The following FAM184B variants were observed in gnomAD, a reference collection of about 807,000 sequenced individuals.
FAM184B encodes protein FAM184B.
A neutral mutation model predicts 135.9 loss-of-function variants in FAM184B; 111 were observed. That is an observed-to-expected ratio of 0.82 (90% CI 0.70 to 0.96). The LOEUF is 0.96. Among genes scored for constraint, FAM184B ranks in the 40% least tolerant of loss-of-function variants. The pLI, the probability that FAM184B is intolerant of heterozygous loss-of-function variation, is 0.00. For synonymous variants in FAM184B, 552 were observed against 524.8 expected, an observed-to-expected ratio of 1.05 and a Z score of -0.71; for missense variants, 1,375 against 1,323.9, an observed-to-expected ratio of 1.04 and a Z score of -0.60.
In FAM184B at chr4:17,709,541, T is replaced by C. The variant is rs139628341; in HGVS notation, c.245A>G (p.Lys82Arg). ...EELQNAVAET[K>R]ARLLQEQGCA... ...GCCCTGTTCCTGCAGGAGCCTGGCC[T>C]TGGTCTCTGCCACCGCATTCTGGAG... The change falls in exon 2 of 18, where the codon AAG becomes AGG. Residue 82 changes from lysine to arginine, a missense_variant. By Grantham distance (26) the Lys-to-Arg change is conservative. Transcript: ENST00000265018. 1.1e-3 allele frequency: 1,711 copies of C among 1,550,956 alleles called. 14 individuals carry two copies. In the African/African-American group the frequency reaches 0.021, roughly 19 times the overall value.
At chr4:17,708,709 A>ATATATTGTCT (rs3066655) in intron 2 of FAM184B, among the ~76,000 whole-genome samples, 183 bp downstream of exon 2, 2 of 38,838 alleles carry the variant, frequency 5.1e-5, no homozygotes, top group African/African-American at 1.0e-4. Context: ...ATATATATAT[A>ATATATTGTCT]GTGTCTGTGT....
intron 7 of FAM184B, among the ~76,000 whole-genome samples, chr4:17,678,000 C>T (rs1716354142): frequency 6.6e-6 from 1 of 152,208 alleles, no homozygotes; most frequent in African/African-American, 2.4e-5. Flanking sequence ...TCAGCAAAAT[C>T]GGTATAGAAG....
intron 1 of FAM184B, among the ~76,000 whole-genome samples, chr4:17,765,089 G>T (rs1329217907): frequency 6.6e-6 from 1 of 152,158 alleles, no homozygotes; most frequent in Non-Finnish European, 1.5e-5. Flanking sequence ...AAGTAATTCT[G>T]CCATTGTCCT....
In FAM184B at chr4:17,636,555, C is replaced by G. The variant is rs11944484; in HGVS notation, c.2757G>C (p.Glu919Asp). 3.9e-6 allele frequency: 6 copies of G among 1,551,142 alleles called. No individual in the cohort carries two copies. Among genetic ancestry groups the G allele is most frequent in the East Asian group, 2.4e-5 (1 of 40,912 alleles). Residue 919 changes from glutamate to aspartate, a missense_variant, in exon 15 of 18, where the codon GAG becomes GAC. By Grantham distance (45) the Glu-to-Asp change is conservative (BLOSUM62 2). Coordinates refer to ENST00000265018, the MANE Select transcript of FAM184B (RefSeq NM_015688.2). ...LIGRLQTRLK[E>D]REDIIKQLTE... ...TGAGCTGCTTGATGATGTCCTCTCT[C>G]TCCTTCAGGCGGGTCTGCAGGCGGC...
At chr4:17,731,867 A>G (rs1180495581) in intron 1 of FAM184B, among the ~76,000 whole-genome samples, 3 of 152,184 alleles carry the variant, frequency 2.0e-5, no homozygotes, top group Admixed American at 6.5e-5. Context: ...TCCACCCCAA[A>G]TCAACAGAAT....
chr4:17,751,559 C>T (rs1560193227), intron 1 of FAM184B, among the ~76,000 whole-genome samples: 1 of 152,004 alleles, frequency 6.6e-6, no homozygotes, highest in Admixed American at 6.6e-5. Flanking sequence ...TTTCAAACAA[C>T]CTTTTGTTGT....
chr4:17,657,975 T>A (rs10029173), intron 10 of FAM184B, among the ~76,000 whole-genome samples: 1 of 151,978 alleles, frequency 6.6e-6, no homozygotes, highest in Non-Finnish European at 1.5e-5. Flanking sequence ...TCTTTCTCAA[T>A]TCTGTGCTGC....
In FAM184B at chr4:17,629,747, T is replaced by G. The variant is rs1055997378; in HGVS notation, c.*2785A>C. On this transcript the variant is annotated 3_prime_UTR_variant, in exon 18 of 18. Coordinates refer to ENST00000265018, the MANE Select transcript of FAM184B (RefSeq NM_015688.2). ...CTAGACCGCTCTGCTGTTGAGAGAT[T>G]GATGGAATCATTATGCAAACTAAAA... 6.6e-6 allele frequency: 1 copy of G among 152,224 alleles called. No homozygotes were observed. The highest frequency in any genetic ancestry group is 2.4e-5 in the African/African-American group (1 of 41,462). 9.4% of individuals were successfully genotyped at this position (152,224 alleles called of 1,614,324 possible).
intron 7 of FAM184B, among the ~76,000 whole-genome samples, chr4:17,679,724 G>C (rs541883784): frequency 1.3e-5 from 2 of 152,198 alleles, no homozygotes; most frequent in Middle Eastern, 6.8e-3. Context: ...ACTTGCACAC[G>C]CATGTTTATA....
chr4:17,767,645 G>T (rs1377964202), intron 1 of FAM184B, among the ~76,000 whole-genome samples: 1 of 152,138 alleles, frequency 6.6e-6, no homozygotes, highest in Non-Finnish European at 1.5e-5. Flanking sequence ...GATCAGGCTG[G>T]AACAGTCTTT....
Position 17,705,063 on chromosome 4 carries a change from C to G in FAM184B, c.1314G>C (p.Lys438Asn). 1 of 1,551,762 alleles carries G rather than the reference C, an allele frequency of 6.4e-7. No individual in the cohort carries two copies. Among genetic ancestry groups the G allele is most frequent in the Non-Finnish European group, 8.7e-7 (1 of 1,147,010 alleles). ...GAACGGATTTGATTTCCACGGTGTG[C>G]TTCTTTACCAAGTCTTCTAGTCGCT... Reference protein sequence around the residue: ...LVKRLEDLVKKHTVEIKSVRS... With the variant: ...LVKRLEDLVKNHTVEIKSVRS... The change falls in exon 5 of 18, where the codon AAG becomes AAC. Residue 438 changes from lysine (K) to asparagine (N), a missense_variant. Transcript: ENST00000265018.
intron 7 of FAM184B, among the ~76,000 whole-genome samples, chr4:17,665,460 T>C (rs915088475): frequency 1.3e-5 from 2 of 152,234 alleles, no homozygotes; most frequent in African/African-American, 2.4e-5. Context: ...AGGAACAGAT[T>C]TGTCTCACGA....
At chr4:17,674,570 C>T (rs1375484861) in intron 7 of FAM184B, among the ~76,000 whole-genome samples, 1 of 152,144 alleles carries the variant, frequency 6.6e-6, no homozygotes, top group Admixed American at 6.6e-5. Context: ...AAGTTTGCCA[C>T]ATCGCTTGAC....
chr4:17,693,121 T>G (rs1048204044), intron 6 of FAM184B, among the ~76,000 whole-genome samples, 181 bp downstream of exon 6: 2 of 152,066 alleles, frequency 1.3e-5, no homozygotes, highest in East Asian at 3.9e-4. Flanking sequence ...AAAGCCTCTT[T>G]GTTTAAGCAT....
rs916225997 is a variant in FAM184B, at chr4:17,631,102, C to T, written c.*1430G>A. 1 of 152,166 alleles carries T rather than the reference C, an allele frequency of 6.6e-6. No individual in the cohort carries two copies. The highest frequency in any genetic ancestry group is 2.4e-5 in the African/African-American group (1 of 41,402). The allele number at this position is 152,166 out of a possible 1,614,324, so 9.4% of individuals were successfully genotyped here. A position where few individuals can be genotyped will look rare whatever the true frequency, so the allele number is the denominator to read the frequency against. On this transcript the variant is annotated 3_prime_UTR_variant, in exon 18 of 18. Transcript: ENST00000265018. ...TGTGGACTGAGAGCAAGGTCAGCAC[C>T]GTGAACAGCCATTGCGGTTCCTTTA...
At chr4:17,643,754 G>A (rs529500802) in intron 12 of FAM184B, among the ~76,000 whole-genome samples, 9 of 152,160 alleles carry the variant, frequency 5.9e-5, no homozygotes, top group African/African-American at 2.2e-4. Flanking sequence ...CATGTCCCCC[G>A]GTCCTTCAGC....
chr4:17,773,342 T>C lies in FAM184B; in HGVS notation c.141+7817A>G, dbSNP rs575444446. On this transcript the variant is annotated intron_variant, in intron 1 of 17. Transcript: ENST00000265018. The stretch of plus-strand genomic sequence containing the variant: ...CAACCACTTGACTCAGCATTTGCTC[T>C]TGCAGGGTCTCCTGACAAACTGGCA... Among the ~76,000 whole-genome samples, 4 of 152,370 alleles carry C rather than the reference T, an allele frequency of 2.6e-5. No homozygotes were observed. In the South Asian group the frequency reaches 6.2e-4, roughly 24 times the overall value.
rs887032498 is a variant in FAM184B at position 17,781,479 on chromosome 4, C to T, written c.-180G>A. 1.4e-6 allele frequency: 1 copy of T among 700,286 alleles called. No homozygotes were observed. Among genetic ancestry groups the T allele is most frequent in the African/African-American group, 1.9e-5 (1 of 52,814 alleles). The allele number at this position is 700,286 out of a possible 1,614,324, so 43.4% of individuals were successfully genotyped here. A position where few individuals can be genotyped will look rare whatever the true frequency, so the allele number is the denominator to read the frequency against. ...AAGGTCTCCGCCTCCCGGGCCCACC[C>T]GCGCGCCCACCCTTTTTCCTCTCCT... On this transcript the variant is annotated 5_prime_UTR_variant, in exon 1 of 18. Coordinates refer to ENST00000265018, the MANE Select transcript of FAM184B (RefSeq NM_015688.2). The surrounding 1 kb of genome is among the most constrained non-coding windows in gnomAD (Gnocchi z 6.5).
chr4:17,726,711 G>T (rs1322702086), intron 1 of FAM184B, among the ~76,000 whole-genome samples: 1 of 152,080 alleles, frequency 6.6e-6, no homozygotes, highest in Non-Finnish European at 1.5e-5. Context: ...CCATCCCATA[G>T]TTTTGCTTTC....
Sources: gnomAD v4.1 joint callset for allele counts (sites outside exome capture counted in the v4.1 genomes callset) on GRCh38, gnomAD v4.1.1 for gene constraint, Gnocchi (gnomAD v3.1) non-coding constraint, MANE v1.5 for transcripts, NCBI Gene and HGNC (gene_info 2026-07-23, HGNC 2026-07-21) for gene names.